Variants in PICK1 observed in about 807,000 individuals in gnomAD.
PICK1 encodes PRKCA-binding protein.
In PICK1, 23 loss-of-function variants were observed where a neutral mutation model predicts 48.9. That is an observed-to-expected ratio of 0.47 (90% CI 0.34 to 0.67). The LOEUF (loss-of-function observed/expected upper bound fraction) is 0.67. PICK1 is among the 30% of genes least tolerant of loss of function. The pLI, the probability that PICK1 is intolerant of heterozygous loss-of-function variation, is 0.01. For synonymous variants in PICK1, 217 were observed against 228.2 expected, an observed-to-expected ratio of 0.95 and a Z score of 0.44; for missense variants, 423 against 557.1, an observed-to-expected ratio of 0.76 and a Z score of 2.42.
At chr22:38,057,907 C>G in intron 2 of PICK1, 57 bp downstream of exon 2, 1 of 1,359,986 alleles carries the variant, frequency 7.4e-7, no homozygotes, top group Non-Finnish European at 1.1e-6. Flanking sequence ...TTCCTCATTT[C>G]CCTGGACTTC....
At chr22:38,065,852 G>A (rs2145868283) in intron 4 of PICK1, among the ~76,000 whole-genome samples, 1 of 152,284 alleles carries the variant, frequency 6.6e-6, no homozygotes, top group East Asian at 1.9e-4. Flanking sequence ...GCACAGCCAT[G>A]GGGTGATTTG....
chr22:38,057,606 G>GC lies in PICK1; in HGVS notation c.-58+25dup. The GC allele has an allele frequency of 1.6e-6, 1 of 608,326 alleles. No homozygotes were observed. Among genetic ancestry groups the GC allele is most frequent in the Non-Finnish European group, 2.9e-6 (1 of 340,324 alleles). The allele number at this position is 608,326 out of a possible 1,614,324, so 37.7% of individuals were successfully genotyped here. On this transcript the variant is annotated intron_variant, in intron 1 of 12. Transcript: ENST00000356976. ...GTACCTAGTAAGAATCACCTACCCA[G>GC]CCCCCCACCCGGAGACTGTCCCATC...
At chr22:38,067,809 C>T (rs1379172985) in intron 5 of PICK1, 39 bp downstream of exon 5, 2 of 1,548,192 alleles carry the variant, frequency 1.3e-6, no homozygotes, top group East Asian at 2.2e-5. Flanking sequence ...CCAGCAGCCT[C>T]CCTGGATGGG....
intron 5 of PICK1, 177 bp downstream of exon 5, chr22:38,067,947 G>C (rs544335122): frequency 1.4e-6 from 1 of 697,140 alleles, no homozygotes; most frequent in Admixed American, 2.0e-5. Context: ...GAGGCCTCCC[G>C]GTGCTCTCCC....
At position 38,057,984 on chromosome 22, in the gene PICK1, G is replaced by C. The variant is rs1486628095; in HGVS notation, c.41+134G>C. On this transcript the variant is annotated intron_variant, in intron 2 of 12. Coordinates refer to ENST00000356976, the MANE Select transcript of PICK1 (RefSeq NM_012407.4). ...TTGTACTGAAGCAGCAATGGACCCT[G>C]CTCTCCCAGGAGCTCACTATTTGTA... is the stretch of plus-strand genomic sequence containing the variant. The C allele has an allele frequency of 5.3e-6, 4 of 759,674 alleles. No homozygotes were observed. The African/African-American group carries it at 6.9e-5, about 13-fold the overall frequency. The allele number at this position is 759,674 out of a possible 1,614,324, so 47.1% of individuals were successfully genotyped here.
chr22:38,071,615 C>T, intron 7 of PICK1, 67 bp from the exon 8 acceptor site: 1 of 1,399,992 alleles, frequency 7.1e-7, no homozygotes, highest in Non-Finnish European at 1.0e-6. Context: ...CAATTGGAGG[C>T]CTTGCCCTGG....
intron 6 of PICK1, 118 bp downstream of exon 6, chr22:38,069,240 C>T: frequency 1.4e-6 from 1 of 738,178 alleles, no homozygotes; most frequent in Non-Finnish European, 2.3e-6. Flanking sequence ...ACCCTGGCCT[C>T]TGCCCGTGGA....
At chr22:38,064,512 AGCACTTTGGGAG>A (rs1275676034) in intron 3 of PICK1, among the ~76,000 whole-genome samples, 1 of 152,124 alleles carries the variant, frequency 6.6e-6, no homozygotes, top group Non-Finnish European at 1.5e-5. Flanking sequence ...CTGTAATCCC[AGCACTTTGGGAG>A]GCCAAAGCAG....
At position 38,071,745 on chromosome 22, in the gene PICK1, G is replaced by A; in HGVS notation, c.556+1G>A. On this transcript the variant is annotated splice_donor_variant, in intron 8 of 12. Coordinates refer to ENST00000356976, the MANE Select transcript of PICK1 (RefSeq NM_012407.4). LOFTEE classifies it high-confidence loss of function. ...TATGAGCTGTCGCAGACTCACCGGG[G>A]TAATGGCATCCCCCAAAGCTGTGGT... 3 of 1,612,656 alleles carry A rather than the reference G, an allele frequency of 1.9e-6. No homozygotes were observed. Among genetic ancestry groups the A allele is most frequent in the Non-Finnish European group, 2.5e-6 (3 of 1,179,174 alleles).
At chr22:38,057,616 C>G (rs114262052) in intron 1 of PICK1, 29 bp downstream of exon 1, 1 of 596,474 alleles carries the variant, frequency 1.7e-6, no homozygotes, top group East Asian at 2.8e-5. Context: ...GCCCCCCACC[C>G]GGAGACTGTC....
chr22:38,066,138 C>T lies in PICK1; in HGVS notation c.282+1008C>T, dbSNP rs1230744619. Among the ~76,000 whole-genome samples the T allele has an allele frequency of 6.6e-6, 1 of 152,138 alleles. No individual in the cohort carries two copies. The highest frequency in any genetic ancestry group is 2.4e-5 in the African/African-American group (1 of 41,412). On this transcript the variant is annotated intron_variant, in intron 4 of 12. Transcript: ENST00000356976. The surrounding 1 kb of genome is among the most constrained non-coding windows in gnomAD (Gnocchi z 4.1). ...CTTTAGCCATAGGACAAATCAGGGC[C>T]TGGGGCTGGGGCTCAGAGCTCTGTT...
chr22:38,066,517 C>T lies in PICK1; in HGVS notation c.283-1187C>T, dbSNP rs143982490. Among the ~76,000 whole-genome samples the T allele has an allele frequency of 2.6e-5, 4 of 152,336 alleles. No homozygotes were observed. The highest frequency in any genetic ancestry group is 5.9e-5 in the Non-Finnish European group (4 of 68,034). On this transcript the variant is annotated intron_variant, in intron 4 of 12. Coordinates refer to ENST00000356976, the MANE Select transcript of PICK1 (RefSeq NM_012407.4). This position sits in a 1 kb window ranked among gnomAD's most constrained non-coding sequence, Gnocchi z 4.1. ...GTTTGGGTGCTGGGCAGGGATTACT[C>T]TCCCATCTTACAGGTGTCCACAGGC...
chr22:38,075,385 G>A lies in PICK1; in HGVS notation c.*253G>A, dbSNP rs1431789543. Reference sequence around the variant, plus strand: ...GGCTCCCCGGCCAGAGGGAGAGCTTGGTCTCTGGACCTGCCTTAGGAAGGA... The same window carrying A: ...GGCTCCCCGGCCAGAGGGAGAGCTTAGTCTCTGGACCTGCCTTAGGAAGGA... On this transcript the variant is annotated 3_prime_UTR_variant, in exon 13 of 13. Transcript: ENST00000356976. 5.7e-6 allele frequency: 3 copies of A among 527,666 alleles called. No individual in the cohort carries two copies. Among genetic ancestry groups the A allele is most frequent in the Non-Finnish European group, 1.0e-5 (3 of 296,810 alleles). 32.7% of individuals were successfully genotyped at this position (527,666 alleles called of 1,614,324 possible).
Position 38,059,492 on chromosome 22 carries a change from G to A in PICK1, c.153+147G>A, listed in dbSNP as rs774158366. 393 of 676,730 alleles carry A rather than the reference G, an allele frequency of 5.8e-4. 1 individual carries two copies. The highest frequency in any genetic ancestry group is 6.7e-4 in the South Asian group (40 of 59,828). 41.9% of individuals were successfully genotyped at this position (676,730 alleles called of 1,614,324 possible). ...GGGGCTTTCTGACCACCTGCGCTGC[G>A]TTGCTCTGCCCTGTCTTCTCCCCTG... is the stretch of plus-strand genomic sequence containing the variant. On this transcript the variant is annotated intron_variant, in intron 3 of 12. Transcript: ENST00000356976.
intron 7 of PICK1, 121 bp downstream of exon 7, chr22:38,071,012 C>T (rs1197671802): frequency 5.1e-6 from 4 of 783,946 alleles, no homozygotes; most frequent in South Asian, 1.4e-5. Flanking sequence ...GGACCATGGG[C>T]ATTAAGAGTT....
intron 3 of PICK1, among the ~76,000 whole-genome samples, chr22:38,060,379 G>A (rs1447791423): frequency 6.6e-6 from 1 of 152,214 alleles, no homozygotes; most frequent in African/African-American, 2.4e-5. Context: ...CAGGAGTGGT[G>A]ACAGGCCTGC....
In PICK1 at chr22:38,067,683, CTGTG is replaced by C; in HGVS notation, c.283-16_283-13del. On this transcript the variant is annotated splice_polypyrimidine_tract_variant and intron_variant, in intron 4 of 12. Transcript: ENST00000356976. ...AGGGTGTGGAGCCTCGCTCACTAGTCTGTGTGTGCTGCTCTTCCAGGGGGAGGTG... is the reference window on the plus strand; with the variant it reads ...AGGGTGTGGAGCCTCGCTCACTAGTCTGTGCTGCTCTTCCAGGGGGAGGTG... The C allele has an allele frequency of 1.2e-6, 2 of 1,609,806 alleles. No homozygotes were observed. The highest frequency in any genetic ancestry group is 1.7e-6 in the Non-Finnish European group (2 of 1,176,164).
intron 3 of PICK1, among the ~76,000 whole-genome samples, chr22:38,062,807 A>G (rs1394509286): frequency 6.6e-6 from 1 of 152,176 alleles, no homozygotes; most frequent in East Asian, 1.9e-4. Context: ...CATTCGATTC[A>G]AGAATGAACG....
chr22:38,059,007 CA>C (rs948870714), intron 2 of PICK1, among the ~76,000 whole-genome samples: 4 of 151,032 alleles, frequency 2.6e-5, no homozygotes, highest in East Asian at 1.9e-4. Context: ...GACTCCATCT[CA>C]AAAAAAAACC....
Sources: gnomAD v4.1 joint callset for allele counts (sites outside exome capture counted in the v4.1 genomes callset) on GRCh38, gnomAD v4.1.1 for gene constraint, Gnocchi (gnomAD v3.1) non-coding constraint, MANE v1.5 for transcripts, NCBI Gene and HGNC (gene_info 2026-07-23, HGNC 2026-07-21) for gene names.